NRXN1: variants seen among roughly 807,000 people sequenced by gnomAD.
NRXN1 encodes the protein neurexin-1.
NRXN1 carries 39 observed loss-of-function variants against 150.9 expected under a neutral mutation model. The observed-to-expected ratio is 0.26, with a 90% CI of 0.20 to 0.34. The LOEUF (loss-of-function observed/expected upper bound fraction) is 0.34. NRXN1 is among the 10% of genes least tolerant of loss of function. The pLI is 1.00. For synonymous variants in NRXN1, 924 were observed against 757.0 expected, an observed-to-expected ratio of 1.22 and a Z score of -3.62; for missense variants, 1,815 against 1,949.9, an observed-to-expected ratio of 0.93 and a Z score of 1.30.
chr2:50,397,517 T>C (rs1258782351), intron 17 of NRXN1, among the ~76,000 whole-genome samples: 1 of 152,126 alleles, frequency 6.6e-6, no homozygotes. Context: ...CGGTGGGTAC[T>C]ATTATTAAGT....
rs144292942 is a variant in NRXN1 at position 50,474,175 on chromosome 2, T to C, written c.3071-1704A>G. Among the ~76,000 whole-genome samples, 242 of 152,054 alleles carry C rather than the reference T, an allele frequency of 1.6e-3. 1 individual carries two copies. The highest frequency in any genetic ancestry group is 5.6e-3 in the African/African-American group (231 of 41,512). ...ATTTTTCTTCCATATTTCCATTCTGTCCTTTGTTTTTGCTCTCACTTAAAT... is the reference window on the plus strand; with the variant it reads ...ATTTTTCTTCCATATTTCCATTCTGCCCTTTGTTTTTGCTCTCACTTAAAT... On this transcript the variant is annotated intron_variant, in intron 15 of 22. Coordinates refer to ENST00000401669, the MANE Select transcript of NRXN1 (RefSeq NM_001330078.2).
intron 21 of NRXN1, among the ~76,000 whole-genome samples, chr2:49,979,453 G>T (rs1382034991): frequency 6.6e-6 from 1 of 152,184 alleles, no homozygotes; most frequent in Non-Finnish European, 1.5e-5. Context: ...ATTCCAATGA[G>T]TATTTATAGG....
chr2:50,749,198 A>G (rs545085310), intron 5 of NRXN1, among the ~76,000 whole-genome samples: 16 of 152,258 alleles, frequency 1.1e-4, no homozygotes, highest in African/African-American at 3.8e-4. Context: ...TTACATTCAC[A>G]TATTTTATCT....
At chr2:50,082,105 C>T (rs1397466274) in intron 19 of NRXN1, among the ~76,000 whole-genome samples, 8 of 151,966 alleles carry the variant, frequency 5.3e-5, no homozygotes, top group Admixed American at 3.3e-4. Flanking sequence ...AACTTGTTTC[C>T]ACCTCATTTC....
intron 18 of NRXN1, among the ~76,000 whole-genome samples, chr2:50,187,419 C>T (rs969996299): frequency 2.0e-5 from 3 of 151,958 alleles, no homozygotes; most frequent in African/African-American, 7.2e-5. Context: ...GATTTCAAGC[C>T]CACTGCAAAA....
chr2:50,637,465 A>G (rs1351250654), intron 5 of NRXN1: 1 of 152,222 alleles, frequency 6.6e-6, no homozygotes, highest in East Asian at 1.9e-4. Flanking sequence ...CAAGTTCAAC[A>G]GAGTTACAGA....
intron 15 of NRXN1, among the ~76,000 whole-genome samples, chr2:50,492,179 T>A (rs956487853): frequency 6.6e-6 from 1 of 152,186 alleles, no homozygotes; most frequent in African/African-American, 2.4e-5. Flanking sequence ...TAGGAAATCA[T>A]TCCAGAGAGC....
chr2:50,436,567 C>A (rs1220793703), intron 17 of NRXN1, among the ~76,000 whole-genome samples: 1 of 151,904 alleles, frequency 6.6e-6, no homozygotes, highest in Non-Finnish European at 1.5e-5. Flanking sequence ...AACTAAAATC[C>A]CATTTTATTT....
Position 50,436,899 on chromosome 2 carries a change from A to T in NRXN1, c.3364+28543T>A, listed in dbSNP as rs932700038. On this transcript the variant is annotated intron_variant, in intron 17 of 22. Transcript: ENST00000401669. Reference sequence around the variant, plus strand: ...CTAGGATAAAGAATGCTTATACTAGATTATTCCATCTCCCAAAGTAATTTG... The same window carrying T: ...CTAGGATAAAGAATGCTTATACTAGTTTATTCCATCTCCCAAAGTAATTTG... Among the ~76,000 whole-genome samples the T allele has an allele frequency of 2.6e-5, 4 of 152,314 alleles. No homozygotes were observed. In the East Asian group the frequency reaches 7.7e-4, roughly 29 times the overall value.
chr2:50,054,927 A>T (rs1451262627), intron 20 of NRXN1, 28 bp downstream of exon 20: 1 of 1,414,082 alleles, frequency 7.1e-7, no homozygotes, highest in Admixed American at 2.4e-5. Flanking sequence ...TTATTTTTTT[A>T]TTTGAAGTTT....
intron 2 of NRXN1, among the ~76,000 whole-genome samples, chr2:50,944,599 A>G (rs1215608980): frequency 1.3e-5 from 2 of 152,200 alleles, no homozygotes; most frequent in Non-Finnish European, 2.9e-5. Context: ...ATATTTACCA[A>G]CAATTTTCTT....
At chr2:50,463,030 G>GA (rs1456865558) in intron 17 of NRXN1, among the ~76,000 whole-genome samples, 5 of 151,374 alleles carry the variant, frequency 3.3e-5, no homozygotes, top group Non-Finnish European at 7.4e-5. Flanking sequence ...CAGAATTTAT[G>GA]AAAAAATAAA....
At chr2:50,106,181 T>C (rs1240847998) in intron 18 of NRXN1, among the ~76,000 whole-genome samples, 1 of 150,410 alleles carries the variant, frequency 6.6e-6, no homozygotes, top group Non-Finnish European at 1.5e-5. Flanking sequence ...TTTATCTTAG[T>C]TGTTTGAAAT....
intron 17 of NRXN1, among the ~76,000 whole-genome samples, chr2:50,274,957 A>C (rs2152926314): frequency 6.6e-6 from 1 of 152,292 alleles, no homozygotes; most frequent in Non-Finnish European, 1.5e-5. Flanking sequence ...TGTGTTACAA[A>C]ATTGATGTCA....
At chr2:50,478,313 A>T (rs1346836747) in intron 15 of NRXN1, among the ~76,000 whole-genome samples, 1 of 152,230 alleles carries the variant, frequency 6.6e-6, no homozygotes, top group African/African-American at 2.4e-5. Flanking sequence ...AATCTATTTG[A>T]GCTTACAAGT....
chr2:50,656,222 C>G (rs1686437016), intron 5 of NRXN1: 1 of 551,338 alleles, frequency 1.8e-6, no homozygotes, highest in South Asian at 2.7e-5. Context: ...GCAAAGTGAT[C>G]TTTTTTAAAC....
intron 5 of NRXN1, among the ~76,000 whole-genome samples, chr2:50,857,282 T>C (rs1157701208): frequency 1.3e-5 from 2 of 152,074 alleles, no homozygotes; most frequent in African/African-American, 4.8e-5. Flanking sequence ...AGAAACTTGG[T>C]TGGGGCAAGG....
intron 5 of NRXN1, among the ~76,000 whole-genome samples, chr2:50,695,942 A>G (rs955713739): frequency 8.1e-5 from 12 of 148,302 alleles, no homozygotes. Context: ...CTCCAGCTTC[A>G]AGCGATTCTT....
At chr2:51,015,262 T>C (rs1329992120) in intron 2 of NRXN1, among the ~76,000 whole-genome samples, 1 of 152,072 alleles carries the variant, frequency 6.6e-6, no homozygotes, top group Non-Finnish European at 1.5e-5. Context: ...TCCTCTCTTC[T>C]GGTCTTCTGT....
Sources: gnomAD v4.1 joint callset for allele counts (sites outside exome capture counted in the v4.1 genomes callset) on GRCh38, gnomAD v4.1.1 for gene constraint, MANE v1.5 for transcripts, NCBI Gene and HGNC (gene_info 2026-07-23, HGNC 2026-07-21) for gene names.